NAV2: variants seen among roughly 807,000 people sequenced by gnomAD.
The protein encoded by NAV2 is neuron navigator 2.
A neutral mutation model predicts 223.2 loss-of-function variants in NAV2; 54 were observed. The ratio of observed to expected loss-of-function variants is 0.24; its 90% confidence interval spans 0.19 to 0.30. NAV2 has a LOEUF of 0.30. Ranked by LOEUF, NAV2 falls within the 10% of genes least tolerant of loss-of-function variation. The pLI is 1.00. For synonymous variants in NAV2, 1,279 were observed against 1,239.3 expected, an observed-to-expected ratio of 1.03 and a Z score of -0.67; for missense variants, 2,806 against 3,147.5, an observed-to-expected ratio of 0.89 and a Z score of 2.60.
intron 1 of NAV2, among the ~76,000 whole-genome samples, chr11:19,655,827 G>A (rs1428725128): frequency 6.6e-6 from 1 of 151,856 alleles, no homozygotes; most frequent in Non-Finnish European, 1.5e-5. Flanking sequence ...CACCAACATG[G>A]CACATGCATA....
chr11:19,615,510 C>T (rs1234451208), intron 1 of NAV2, among the ~76,000 whole-genome samples: 1 of 151,708 alleles, frequency 6.6e-6, no homozygotes, highest in Non-Finnish European at 1.5e-5. Flanking sequence ...TGTATATATA[C>T]ATATACACCC....
chr11:19,448,792 G>T (rs919993805), intron 1 of NAV2, among the ~76,000 whole-genome samples: 4 of 152,162 alleles, frequency 2.6e-5, no homozygotes, highest in African/African-American at 4.8e-5. Flanking sequence ...AATGCCATCC[G>T]TTTTCTCTTT....
intron 1 of NAV2, among the ~76,000 whole-genome samples, chr11:19,810,357 C>G (rs1256204641): frequency 6.6e-6 from 1 of 152,078 alleles, no homozygotes; most frequent in Non-Finnish European, 1.5e-5. Context: ...CTGCCCCAGT[C>G]CAAGAATCAT....
chr11:19,939,505 G>A (rs558835918), intron 7 of NAV2, among the ~76,000 whole-genome samples, 156 bp from the exon 8 acceptor site: 2 of 152,240 alleles, frequency 1.3e-5, no homozygotes, highest in Admixed American at 6.5e-5. Flanking sequence ...CTCCACATAC[G>A]GCTAATGAAT....
At chr11:19,388,536 T>G (rs996648316) in intron 1 of NAV2, among the ~76,000 whole-genome samples, 2 of 152,212 alleles carry the variant, frequency 1.3e-5, no homozygotes, top group African/African-American at 4.8e-5. Context: ...TACTGTAATC[T>G]TCACAGAAAG....
intron 1 of NAV2, among the ~76,000 whole-genome samples, chr11:19,392,824 G>T (rs1275009391): frequency 6.6e-6 from 1 of 152,174 alleles, no homozygotes; most frequent in Admixed American, 6.5e-5. Context: ...GTAAATCCAG[G>T]CATAGTGCTG....
chr11:19,891,842 T>G (rs1405449162), intron 5 of NAV2, among the ~76,000 whole-genome samples: 2 of 152,188 alleles, frequency 1.3e-5, no homozygotes, highest in Non-Finnish European at 2.9e-5. Context: ...AGGTTATCAG[T>G]TTAGAATCCT....
At chr11:19,395,608 A>G (rs2702664) in intron 1 of NAV2, among the ~76,000 whole-genome samples, 147,304 of 152,290 alleles carry the variant, frequency 0.97, 71,421 homozygotes, top group East Asian at 1. Context: ...TGTCCTCAGG[A>G]CAGAGGAAGC....
chr11:19,714,022 G>T, intron 1 of NAV2, 60 bp downstream of exon 1: 8 of 1,585,746 alleles, frequency 5.0e-6, no homozygotes, highest in Non-Finnish European at 6.9e-6. Flanking sequence ...GTTCTTTCGG[G>T]ATGGTGTGGG....
chr11:19,545,457 G>A (rs78680972), intron 1 of NAV2, among the ~76,000 whole-genome samples: 3,210 of 133,608 alleles, frequency 0.024, 106 homozygotes, highest in African/African-American at 0.11. Flanking sequence ...AAGGTATGGG[G>A]CAGTGGTGTC....
At chr11:19,654,878 A>G (rs1313181376) in intron 1 of NAV2, among the ~76,000 whole-genome samples, 1 of 152,254 alleles carries the variant, frequency 6.6e-6, no homozygotes, top group African/African-American at 2.4e-5. Flanking sequence ...AACAGAAGCC[A>G]AAATTGATAA....
At chr11:19,588,216 G>A (rs897011404) in intron 1 of NAV2, among the ~76,000 whole-genome samples, 5 of 152,166 alleles carry the variant, frequency 3.3e-5, no homozygotes, top group Non-Finnish European at 7.3e-5. Context: ...TTAGTCAAAT[G>A]TTCCTCCTCC....
chr11:19,355,552 C>G (rs1242169732), intron 1 of NAV2, among the ~76,000 whole-genome samples: 1 of 152,132 alleles, frequency 6.6e-6, no homozygotes, highest in Non-Finnish European at 1.5e-5. Flanking sequence ...CTTGGGTTTG[C>G]AACTCAGAAT....
At chr11:19,825,935 C>T (rs1023257959) in intron 1 of NAV2, among the ~76,000 whole-genome samples, 3 of 152,152 alleles carry the variant, frequency 2.0e-5, no homozygotes, top group Non-Finnish European at 4.4e-5. Flanking sequence ...CTTTCCTTCC[C>T]CTTTTATCTT....
At chr11:19,386,767 C>T (rs954414590) in intron 1 of NAV2, among the ~76,000 whole-genome samples, 8 of 151,926 alleles carry the variant, frequency 5.3e-5, no homozygotes, top group African/African-American at 9.7e-5. Context: ...CTCTGTGACT[C>T]GAAAAGGCAA....
At chr11:19,919,528 G>A (rs1028262163) in intron 6 of NAV2, among the ~76,000 whole-genome samples, 6 of 152,180 alleles carry the variant, frequency 3.9e-5, no homozygotes, top group African/African-American at 1.4e-4. Flanking sequence ...GTGGGAATAT[G>A]GCAGAGGTCA....
chr11:19,586,517 C>T (rs1850071769), intron 1 of NAV2, among the ~76,000 whole-genome samples: 1 of 152,122 alleles, frequency 6.6e-6, no homozygotes, highest in African/African-American at 2.4e-5. Flanking sequence ...GTTTTATCTA[C>T]CTTTGGTCTT....
chr11:20,085,476 C>T (rs1457991998), intron 26 of NAV2, among the ~76,000 whole-genome samples: 1 of 152,166 alleles, frequency 6.6e-6, no homozygotes, highest in Non-Finnish European at 1.5e-5. Flanking sequence ...ATACAGAGTA[C>T]CTTGGCAGCA....
At chr11:19,810,092 A>G (rs866838213) in intron 1 of NAV2, among the ~76,000 whole-genome samples, 2 of 152,340 alleles carry the variant, frequency 1.3e-5, no homozygotes, top group South Asian at 4.1e-4. Flanking sequence ...ATTTACATGG[A>G]AGATTTTTCT....
Sources: gnomAD v4.1 joint callset for allele counts (sites outside exome capture counted in the v4.1 genomes callset) on GRCh38, gnomAD v4.1.1 for gene constraint, MANE v1.5 for transcripts, NCBI Gene and HGNC (gene_info 2026-07-23, HGNC 2026-07-21) for gene names.